ZZEF1: variants seen among roughly 807,000 people sequenced by gnomAD.
ZZEF1 encodes the protein zinc finger ZZ-type and EF-hand domain containing 1, also known as zinc finger ZZ-type and EF-hand domain-containing protein 1.
Under a neutral mutation model 342.8 loss-of-function variants are expected in ZZEF1, and 157 were observed. That is an observed-to-expected ratio of 0.46 (90% confidence interval 0.40 to 0.52). ZZEF1 has a LOEUF of 0.52. Among genes scored for constraint, ZZEF1 ranks in the 20% least tolerant of loss-of-function variants. ZZEF1 has a pLI of 0.00. For synonymous variants in ZZEF1, 1,505 were observed against 1,429.1 expected, an observed-to-expected ratio of 1.05 and a Z score of -1.20; for missense variants, 3,480 against 3,725.6, an observed-to-expected ratio of 0.93 and a Z score of 1.72.
chr17:4,009,585 C>T lies in ZZEF1; in HGVS notation c.8733+19G>A. On this transcript the variant is annotated intron_variant, in intron 53 of 54. Coordinates refer to ENST00000381638, the MANE Select transcript of ZZEF1 (RefSeq NM_015113.4). Reference sequence around the variant, plus strand: ...GCACATGGAGGCACCGGGCTCCCTGCCCAGACCTCAGGCCTCACCTGGGCA... The same window carrying T: ...GCACATGGAGGCACCGGGCTCCCTGTCCAGACCTCAGGCCTCACCTGGGCA... 1.2e-6 allele frequency: 2 copies of T among 1,612,230 alleles called. No individual in the cohort carries two copies. The highest frequency in any genetic ancestry group is 2.2e-5 in the South Asian group (2 of 91,050).
chr17:4,064,073 G>T (rs1322331975), intron 29 of ZZEF1, among the ~76,000 whole-genome samples: 5 of 150,374 alleles, frequency 3.3e-5, no homozygotes, highest in Admixed American at 2.0e-4. Context: ...AGGGGGGGGG[G>T]TCTCACTATG....
At chr17:4,051,928 G>T (rs750697002) in intron 35 of ZZEF1, 43 bp downstream of exon 35, 1 of 1,564,894 alleles carries the variant, frequency 6.4e-7, no homozygotes, top group African/African-American at 1.4e-5. Context: ...GTGAAGGAAC[G>T]TGTAAATAAA....
At position 4,078,097 on chromosome 17, in the gene ZZEF1, T is replaced by C. The variant is rs1041075187; in HGVS notation, c.2830-55A>G. ...TCGTGACAAGGCCATTCACAGAGCA[T>C]AGCCAAGGGCATCCTCTAAAGCAGC... On this transcript the variant is annotated intron_variant, in intron 18 of 54. Transcript: ENST00000381638. 1.2e-5 allele frequency: 19 copies of C among 1,561,782 alleles called. No individual in the cohort carries two copies. In the South Asian group the frequency reaches 1.9e-4, roughly 16 times the overall value.
At chr17:4,067,695 T>G (rs1337277505) in intron 26 of ZZEF1, among the ~76,000 whole-genome samples, 1 of 152,232 alleles carries the variant, frequency 6.6e-6, no homozygotes, top group East Asian at 1.9e-4. Flanking sequence ...CAGCAGCTCA[T>G]GCTTATAATC....
chr17:4,126,122 A>G (rs2145563717), intron 1 of ZZEF1, among the ~76,000 whole-genome samples: 1 of 150,440 alleles, frequency 6.6e-6, no homozygotes, highest in East Asian at 2.0e-4. Flanking sequence ...GCTACTTGGG[A>G]GGCTGAGGCA....
chr17:4,054,655 G>A (rs912990385), intron 33 of ZZEF1, among the ~76,000 whole-genome samples: 1 of 152,174 alleles, frequency 6.6e-6, no homozygotes, highest in Non-Finnish European at 1.5e-5. Context: ...GAGGGGAAGA[G>A]TCAGATGAAG....
Position 4,075,343 on chromosome 17 carries a change from G to C in ZZEF1, c.3321C>G (p.Cys1107Trp). 6.2e-7 allele frequency: 1 copy of C among 1,614,180 alleles called. No individual in the cohort carries two copies. Among genetic ancestry groups the C allele is most frequent in the Non-Finnish European group, 8.5e-7 (1 of 1,180,030 alleles). ...GGCTAACAAAGACGGATACCTCATG[G>C]CAATTATTTTCATAGTTGTGGGCAG... ...KESAHNYENN[C>W]HEVSVFVSPG... Residue 1107 changes from cysteine (C) to tryptophan (W), a missense_variant, in exon 22 of 55, where the codon TGC becomes TGG. Around this residue, in one of 5 missense-constraint regions of ZZEF1, gnomAD observed 1,528 missense variants for 1,624.1 expected, o/e 0.94. Coordinates refer to ENST00000381638, the MANE Select transcript of ZZEF1 (RefSeq NM_015113.4).
chr17:4,021,735 T>C (rs1029150259), intron 44 of ZZEF1, among the ~76,000 whole-genome samples: 12 of 152,228 alleles, frequency 7.9e-5, no homozygotes, highest in Admixed American at 1.3e-4. Context: ...TCATGTATGA[T>C]ATGTAGCCAT....
chr17:4,056,914 T>C (rs940538310), intron 32 of ZZEF1: 2 of 152,232 alleles, frequency 1.3e-5, no homozygotes, highest in African/African-American at 4.8e-5. Context: ...TAGATAATCT[T>C]ATAAGTTCCT....
rs984028801 is a variant in ZZEF1, at chr17:4,080,775, A to T, written c.2829+601T>A. ...CTGTGTGTTGGGCTCACTGACAACC[A>T]CTACAAGGGGACTTGATATAAATCC... On this transcript the variant is annotated intron_variant, in intron 18 of 54. Transcript: ENST00000381638. Among the ~76,000 whole-genome samples the T allele has an allele frequency of 3.9e-5, 6 of 152,314 alleles. No homozygotes were observed. The East Asian group carries it at 9.6e-4, about 24-fold the overall frequency.
intron 30 of ZZEF1, 127 bp from the exon 31 acceptor site, chr17:4,059,417 G>T: frequency 8.5e-7 from 1 of 1,178,030 alleles, no homozygotes; most frequent in Non-Finnish European, 1.2e-6. Context: ...AGGAACTTAA[G>T]TAAATACAAA....
intron 9 of ZZEF1, among the ~76,000 whole-genome samples, chr17:4,100,396 A>G (rs1200154435): frequency 2.0e-5 from 3 of 152,202 alleles, no homozygotes; most frequent in Non-Finnish European, 4.4e-5. Flanking sequence ...TCTCAGGCAC[A>G]TGGCAAAAAT....
chr17:4,009,837 A>G, intron 52 of ZZEF1, 80 bp from the exon 53 acceptor site: 1 of 1,499,590 alleles, frequency 6.7e-7, no homozygotes, highest in Non-Finnish European at 9.0e-7. Context: ...CAGGAACCAC[A>G]GCTCAGACCC....
chr17:4,015,940 T>C (rs371231974), intron 49 of ZZEF1, among the ~76,000 whole-genome samples: 28 of 152,058 alleles, frequency 1.8e-4, no homozygotes, highest in East Asian at 9.6e-4. Context: ...GTATCCACGG[T>C]GGGGGCAGGT....
chr17:4,109,525 G>T, intron 6 of ZZEF1, 128 bp downstream of exon 6: 1 of 891,650 alleles, frequency 1.1e-6, no homozygotes, highest in Non-Finnish European at 1.8e-6. Flanking sequence ...GAAACACTAG[G>T]GCACCTGAGG....
rs1567794790 is a variant in ZZEF1 at position 4,050,842 on chromosome 17, G to A, written c.5802C>T (p.Thr1934=). The change falls in exon 36 of 55, where the codon ACC becomes ACT. Residue 1934 remains threonine, a synonymous_variant. Coordinates refer to ENST00000381638, the MANE Select transcript of ZZEF1 (RefSeq NM_015113.4). ...LDPQTRSSAT[T]LRSQCMQLVG... ...CGAGCTGCATGCACTGGCTCCGCAG[G>A]GTGGTGGCACTGCTGCGCGTCTGGG... 2 of 1,614,224 alleles carry A rather than the reference G, an allele frequency of 1.2e-6. No individual in the cohort carries two copies. The highest frequency in any genetic ancestry group is 1.6e-4 in the Middle Eastern group (1 of 6,062).
intron 24 of ZZEF1, among the ~76,000 whole-genome samples, chr17:4,073,713 T>C (rs1416141475): frequency 6.6e-6 from 1 of 152,222 alleles, no homozygotes; most frequent in African/African-American, 2.4e-5. Context: ...GTGCTGGGAT[T>C]ACCAGCATGA....
intron 37 of ZZEF1, among the ~76,000 whole-genome samples, chr17:4,046,118 C>G (rs529532349): frequency 6.6e-6 from 1 of 152,178 alleles, no homozygotes; most frequent in East Asian, 1.9e-4. Flanking sequence ...TGAGCCACCA[C>G]GCCCGGCCTC....
chr17:4,035,968 T>C lies in ZZEF1; in HGVS notation c.6307-1676A>G, dbSNP rs148859165. 1.6e-3 allele frequency among the ~76,000 whole-genome samples: 246 copies of C among 150,206 alleles called. 2 individuals are homozygous for C. The highest frequency in any genetic ancestry group is 5.8e-3 in the African/African-American group (233 of 40,472). On this transcript the variant is annotated intron_variant, in intron 39 of 54. Transcript: ENST00000381638. ...TATAAAAATTAGCCGGGTGTAGTGG[T>C]TGGCGCCTGTAATTCCAGCTACTCA...
Sources: allele counts gnomAD v4.1 joint callset (sites outside exome capture counted in the v4.1 genomes callset), GRCh38; gene constraint gnomAD v4.1.1; regional missense constraint gnomAD v4.1.1; transcripts MANE v1.5; gene names NCBI Gene and HGNC (gene_info 2026-07-23, HGNC 2026-07-21).